The following EZR variants were observed in gnomAD, a reference collection of about 807,000 sequenced individuals.
The protein encoded by EZR is ezrin, also known as cytovillin 2.
Under a neutral mutation model 74.8 loss-of-function variants are expected in EZR, and 40 were observed. The ratio of observed to expected loss-of-function variants is 0.53; its 90% CI spans 0.42 to 0.70. EZR has a LOEUF of 0.70. Among genes scored for constraint, EZR ranks in the 30% least tolerant of loss-of-function variants. EZR has a pLI of 0.00. For missense variants in EZR, 678 were observed against 755.8 expected, an observed-to-expected ratio of 0.90 and a Z score of 1.21; for synonymous variants, 341 against 283.3, an observed-to-expected ratio of 1.20 and a Z score of -2.05.
intron 2 of EZR, among the ~76,000 whole-genome samples, chr6:158,791,704 CCA>C: frequency 1.3e-5 from 1 of 77,420 alleles, no homozygotes; most frequent in Non-Finnish European, 2.9e-5. Context: ...ATTTCAGACT[CCA>C]TTTTTTTTTT....
In EZR at chr6:158,766,698, G is replaced by A. The variant is rs569427464; in HGVS notation, c.*216C>T. On this transcript the variant is annotated 3_prime_UTR_variant, in exon 14 of 14. Coordinates refer to ENST00000367075, the MANE Select transcript of EZR (RefSeq NM_001111077.2). Reference sequence around the variant, plus strand: ...CACAGGAGGTGATTCGAGAATAATCGCGAGAATCAGGCCTGCTTGGCACTA... The same window carrying A: ...CACAGGAGGTGATTCGAGAATAATCACGAGAATCAGGCCTGCTTGGCACTA... 4.0e-5 allele frequency: 23 copies of A among 580,520 alleles called. No homozygotes were observed. The highest frequency in any genetic ancestry group is 6.1e-5 in the Non-Finnish European group (20 of 325,994). 36.0% of individuals were successfully genotyped at this position (580,520 alleles called of 1,614,324 possible). A position where few individuals can be genotyped will look rare whatever the true frequency, so the allele number is the denominator to read the frequency against.
At chr6:158,777,942 G>C (rs118174565) in intron 7 of EZR, among the ~76,000 whole-genome samples, 203 of 152,158 alleles carry the variant, frequency 1.3e-3, no homozygotes, top group Non-Finnish European at 1.4e-3. Context: ...CATTCAAACA[G>C]ACATGCAATG....
intron 2 of EZR, among the ~76,000 whole-genome samples, chr6:158,798,187 A>C (rs1210293092): frequency 7.1e-6 from 1 of 140,986 alleles, no homozygotes; most frequent in Admixed American, 7.0e-5. Context: ...GCCCAGGAAT[A>C]TTCCATTGTG....
intron 12 of EZR, among the ~76,000 whole-genome samples, chr6:158,768,226 C>G (rs1349320758): frequency 2.6e-5 from 4 of 152,060 alleles, no homozygotes; most frequent in African/African-American, 7.2e-5. Context: ...GGCATTACCC[C>G]CCTTTGCTTT....
chr6:158,804,456 T>C (rs1777285229), intron 2 of EZR, among the ~76,000 whole-genome samples: 1 of 152,250 alleles, frequency 6.6e-6, no homozygotes, highest in Non-Finnish European at 1.5e-5. Flanking sequence ...TTGTATACCA[T>C]GTGATTTCAG....
intron 2 of EZR, among the ~76,000 whole-genome samples, chr6:158,813,413 G>A (rs1425755828): frequency 6.6e-6 from 1 of 152,236 alleles, no homozygotes; most frequent in African/African-American, 2.4e-5. Context: ...TCCACTGACA[G>A]GGACTGTGTC....
intron 2 of EZR, among the ~76,000 whole-genome samples, chr6:158,798,611 T>C (rs556732820): frequency 4.1e-4 from 62 of 149,622 alleles, no homozygotes; most frequent in Non-Finnish European, 7.1e-4. Flanking sequence ...GGGACTTAGT[T>C]TGCTGCTCCG....
chr6:158,775,088 G>T (rs1215124803), intron 8 of EZR, among the ~76,000 whole-genome samples: 1 of 144,484 alleles, frequency 6.9e-6, no homozygotes, highest in African/African-American at 2.6e-5. Flanking sequence ...AGGCTTGAGT[G>T]CAGTGGCGAT....
chr6:158,784,787 G>T, intron 5 of EZR, 60 bp from the exon 6 acceptor site: 1 of 1,427,930 alleles, frequency 7.0e-7, no homozygotes, highest in Non-Finnish European at 9.9e-7. Context: ...CAAGGAAGGA[G>T]GCCCACTTAC....
intron 2 of EZR, among the ~76,000 whole-genome samples, chr6:158,802,916 G>A (rs749955097): frequency 1.3e-5 from 2 of 152,204 alleles, no homozygotes; most frequent in East Asian, 1.9e-4. Context: ...CCTAGGGGCC[G>A]TGTCTCCTAC....
At chr6:158,806,408 A>C (rs1777340024) in intron 2 of EZR, among the ~76,000 whole-genome samples, 1 of 152,140 alleles carries the variant, frequency 6.6e-6, no homozygotes, top group African/African-American at 2.4e-5. Flanking sequence ...TAGAGAGAAT[A>C]AGTAGTACCA....
intron 2 of EZR, among the ~76,000 whole-genome samples, chr6:158,809,398 C>G (rs920711217): frequency 2.0e-5 from 3 of 152,226 alleles, no homozygotes; most frequent in Admixed American, 2.0e-4. Flanking sequence ...ACTCAAACAT[C>G]AGGTACAAAT....
intron 8 of EZR, among the ~76,000 whole-genome samples, chr6:158,772,447 C>T (rs570192666): frequency 9.2e-5 from 14 of 152,376 alleles, no homozygotes; most frequent in African/African-American, 2.9e-4. Flanking sequence ...CCCGCCTTAT[C>T]GGTGACGTTC....
chr6:158,771,221 C>T (rs560889226), intron 9 of EZR, 23 bp downstream of exon 9: 1 of 1,589,704 alleles, frequency 6.3e-7, no homozygotes, highest in East Asian at 2.2e-5. Flanking sequence ...CAGGCCCCCC[C>T]CACTCTGGCC....
At chr6:158,805,414 C>T (rs530201601) in intron 2 of EZR, among the ~76,000 whole-genome samples, 3 of 150,288 alleles carry the variant, frequency 2.0e-5, no homozygotes, top group Admixed American at 6.6e-5. Flanking sequence ...AAGACATAAA[C>T]CATACTTAAG....
intron 2 of EZR, among the ~76,000 whole-genome samples, chr6:158,790,415 C>T (rs1317482748): frequency 6.6e-6 from 1 of 152,224 alleles, no homozygotes; most frequent in Non-Finnish European, 1.5e-5. Flanking sequence ...GCTCACACAC[C>T]TGTAATCCCA....
At chr6:158,784,519 G>A (rs1002512765) in intron 6 of EZR, 125 bp downstream of exon 6, 10 of 763,974 alleles carry the variant, frequency 1.3e-5, no homozygotes, top group African/African-American at 3.5e-5. Context: ...CTTTTAACTC[G>A]GTTCCCTCAA....
Position 158,776,390 on chromosome 6 carries a change from G to C in EZR, c.795+18C>G. ...AATGAAAAACAGTAGCCCCTGAATA[G>C]AATCCTTTGGAACTTACAGGTGCCT... is the stretch of plus-strand genomic sequence containing the variant. On this transcript the variant is annotated intron_variant, in intron 8 of 13. Transcript: ENST00000367075. 2 of 1,586,252 alleles carry C rather than the reference G, an allele frequency of 1.3e-6. No individual in the cohort carries two copies. Among genetic ancestry groups the C allele is most frequent in the Non-Finnish European group, 1.7e-6 (2 of 1,154,692 alleles).
At chr6:158,774,963 C>CT (rs1184683124) in intron 8 of EZR, among the ~76,000 whole-genome samples, 1 of 151,536 alleles carries the variant, frequency 6.6e-6, no homozygotes, top group Non-Finnish European at 1.5e-5. Flanking sequence ...GCATTCAATA[C>CT]GCGTTTAATT....
Sources: allele counts gnomAD v4.1 joint callset (sites outside exome capture counted in the v4.1 genomes callset), GRCh38; gene constraint gnomAD v4.1.1; transcripts MANE v1.5; gene names NCBI Gene and HGNC (gene_info 2026-07-23, HGNC 2026-07-21).